Variants in CACNB4 observed in about 807,000 individuals in gnomAD.
CACNB4 encodes calcium voltage-gated channel auxiliary subunit beta 4, also known as voltage-dependent L-type calcium channel subunit beta-4.
Under a neutral mutation model 71.2 loss-of-function variants are expected in CACNB4, and 32 were observed. The observed-to-expected ratio is 0.45, with a 90% CI of 0.34 to 0.60. The LOEUF is 0.60. CACNB4 is among the 20% of genes least tolerant of loss of function. The pLI is 0.01. For synonymous variants in CACNB4, 231 were observed against 236.9 expected, an observed-to-expected ratio of 0.97 and a Z score of 0.23; for missense variants, 464 against 647.9, an observed-to-expected ratio of 0.72 and a Z score of 3.08.
chr2:151,970,043 T>A (rs1056978558), intron 2 of CACNB4: 1 of 152,212 alleles, frequency 6.6e-6, no homozygotes, highest in Non-Finnish European at 1.5e-5. Context: ...AGCAATTGTG[T>A]CAGAGAAATG....
chr2:151,834,597 T>C lies in CACNB4; in HGVS notation c.*4522A>G, dbSNP rs2099834489. 6.6e-6 allele frequency: 1 copy of C among 151,988 alleles called. No homozygotes were observed. The highest frequency in any genetic ancestry group is 2.4e-5 in the African/African-American group (1 of 41,438). 9.4% of individuals were successfully genotyped at this position (151,988 alleles called of 1,614,324 possible). On this transcript the variant is annotated 3_prime_UTR_variant, in exon 14 of 14. Transcript: ENST00000539935. ...TAAAAGTAATTTTTGAATGCTGTAG[T>C]TCTGGGTGCCCATATAAGCCAATTT... is the stretch of plus-strand genomic sequence containing the variant.
At chr2:151,896,193 C>T (rs985578251) in intron 2 of CACNB4, among the ~76,000 whole-genome samples, 17 of 152,114 alleles carry the variant, frequency 1.1e-4, no homozygotes, top group African/African-American at 4.1e-4. Flanking sequence ...GCCCAGGGGC[C>T]CCAACAGAGA....
intron 3 of CACNB4, 124 bp downstream of exon 3, chr2:151,883,127 A>T: frequency 1.0e-6 from 1 of 990,634 alleles, no homozygotes; most frequent in Non-Finnish European, 1.5e-6. Flanking sequence ...AGAGCTTCCC[A>T]ATCTGGAGCC....
intron 2 of CACNB4, among the ~76,000 whole-genome samples, chr2:152,031,401 T>C (rs1208462783): frequency 2.0e-5 from 3 of 152,242 alleles, no homozygotes; most frequent in African/African-American, 7.2e-5. Flanking sequence ...TAGGAGGACC[T>C]TCCAGAAACT....
chr2:151,898,645 C>T (rs1293731088), intron 2 of CACNB4, among the ~76,000 whole-genome samples: 2 of 152,134 alleles, frequency 1.3e-5, no homozygotes, highest in East Asian at 3.8e-4. Flanking sequence ...ATTATCTTTG[C>T]TTTTCTATGA....
chr2:152,009,520 G>T (rs1442972865), intron 2 of CACNB4, among the ~76,000 whole-genome samples: 1 of 152,178 alleles, frequency 6.6e-6, no homozygotes, highest in Non-Finnish European at 1.5e-5. Context: ...GAAACTCGGT[G>T]CAGGGTATAG....
upstream of CACNB4, chr2:152,099,095 G>A (rs1688452515): frequency 1.1e-6 from 1 of 881,774 alleles, no homozygotes; most frequent in Non-Finnish European, 1.7e-6. Flanking sequence ...CGGAGGGGGA[G>A]GGCGCAGGAC....
intron 2 of CACNB4, among the ~76,000 whole-genome samples, chr2:151,925,410 C>T (rs1384288890): frequency 2.0e-5 from 3 of 152,158 alleles, no homozygotes; most frequent in African/African-American, 4.8e-5. Context: ...AGTTGAAGTA[C>T]CATGCTTTTG....
At chr2:152,088,129 C>T (rs1041269302) in intron 2 of CACNB4, among the ~76,000 whole-genome samples, 3 of 139,320 alleles carry the variant, frequency 2.2e-5, no homozygotes, top group Non-Finnish European at 3.1e-5. Flanking sequence ...AAAAGAATGC[C>T]TTCCCCACTT....
intron 2 of CACNB4, among the ~76,000 whole-genome samples, chr2:152,087,333 G>A (rs1178611867): frequency 6.6e-6 from 1 of 151,222 alleles, no homozygotes. Context: ...TTGGCAGGCT[G>A]AGGCAGGAGA....
chr2:152,094,587 A>G (rs952298305), intron 2 of CACNB4, among the ~76,000 whole-genome samples: 2 of 152,202 alleles, frequency 1.3e-5, no homozygotes, highest in Non-Finnish European at 2.9e-5. Flanking sequence ...ATGGATATAT[A>G]ATAGATACTC....
intron 2 of CACNB4, among the ~76,000 whole-genome samples, chr2:152,044,206 TTTTA>T (rs1490960327): frequency 7.9e-5 from 12 of 152,090 alleles, no homozygotes; most frequent in Admixed American, 3.9e-4. Flanking sequence ...TTAAAACAGA[TTTTA>T]TTTATTTTTA....
intron 2 of CACNB4, among the ~76,000 whole-genome samples, chr2:151,922,286 T>G (rs77709150): frequency 0.017 from 2,525 of 152,320 alleles, 67 homozygotes; most frequent in African/African-American, 0.057. Context: ...CATTGCAGCC[T>G]CATCCTCCTG....
chr2:151,999,836 C>G (rs894742639), intron 2 of CACNB4, among the ~76,000 whole-genome samples: 1 of 152,142 alleles, frequency 6.6e-6, no homozygotes. Context: ...AAACTCTTGG[C>G]GGGGAGAGTC....
intron 2 of CACNB4, among the ~76,000 whole-genome samples, chr2:151,918,985 G>C (rs914424348): frequency 7.9e-5 from 12 of 152,196 alleles, no homozygotes; most frequent in Admixed American, 6.5e-4. Context: ...ATGAATCCCT[G>C]TTCTCTGAAG....
intron 2 of CACNB4, among the ~76,000 whole-genome samples, chr2:151,918,495 T>C (rs1045548384): frequency 6.6e-6 from 1 of 152,212 alleles, no homozygotes; most frequent in Non-Finnish European, 1.5e-5. Context: ...AATAGGCTGA[T>C]ACCAACCACT....
At chr2:151,958,598 T>TA (rs2099868898) in intron 2 of CACNB4, among the ~76,000 whole-genome samples, 1 of 152,206 alleles carries the variant, frequency 6.6e-6, no homozygotes, top group Non-Finnish European at 1.5e-5. Context: ...TCTTCCTTCA[T>TA]AAGCTAATTA....
At chr2:151,923,547 T>C (rs1578814313) in intron 2 of CACNB4, among the ~76,000 whole-genome samples, 1 of 152,350 alleles carries the variant, frequency 6.6e-6, no homozygotes, top group Non-Finnish European at 1.5e-5. Context: ...GGAGGAAGCC[T>C]GGGTGGAGGC....
intron 2 of CACNB4, among the ~76,000 whole-genome samples, chr2:151,912,276 T>A (rs1486654634): frequency 6.6e-6 from 1 of 152,230 alleles, no homozygotes; most frequent in Non-Finnish European, 1.5e-5. Flanking sequence ...TGATGTGAGA[T>A]CTTTCTAGCT....
Sources: gnomAD v4.1 joint callset for allele counts (sites outside exome capture counted in the v4.1 genomes callset) on GRCh38, gnomAD v4.1.1 for gene constraint, MANE v1.5 for transcripts, NCBI Gene and HGNC (gene_info 2026-07-23, HGNC 2026-07-21) for gene names.